Variants in PARD3B observed in about 807,000 individuals in gnomAD.
The protein encoded by PARD3B is partitioning defective 3 homolog B.
A neutral mutation model predicts 130.2 loss-of-function variants in PARD3B; 103 were observed. The observed-to-expected ratio is 0.79, with a 90% confidence interval of 0.67 to 0.93. The LOEUF is 0.93. Ranked by LOEUF, PARD3B falls within the 40% of genes least tolerant of loss-of-function variation. PARD3B has a pLI of 0.00. For missense variants in PARD3B, 1,609 were observed against 1,499.2 expected (o/e 1.07, Z -1.21); for synonymous variants, 583 against 553.2 (o/e 1.05, Z -0.76).
chr2:205,223,267 C>T (rs1346441881), intron 15 of PARD3B, among the ~76,000 whole-genome samples: 1 of 152,026 alleles, frequency 6.6e-6, no homozygotes, highest in Non-Finnish European at 1.5e-5. Flanking sequence ...GAATATTATT[C>T]ATAGGCAGTG....
chr2:204,963,136 A>G (rs1208017439), intron 2 of PARD3B, among the ~76,000 whole-genome samples: 3 of 152,216 alleles, frequency 2.0e-5, no homozygotes, highest in Admixed American at 6.5e-5. Flanking sequence ...TAAAAAGACT[A>G]GATTCCACTA....
chr2:205,602,954 G>A (rs2054848527), intron 22 of PARD3B, among the ~76,000 whole-genome samples: 1 of 152,020 alleles, frequency 6.6e-6, no homozygotes, highest in Non-Finnish European at 1.5e-5. Flanking sequence ...TGTGATGTTA[G>A]GGTGTCAATT....
At position 204,755,497 on chromosome 2, in the gene PARD3B, T is replaced by A. The variant is rs552464607; in HGVS notation, c.222+69215T>A. On this transcript the variant is annotated intron_variant, in intron 2 of 22. Coordinates refer to ENST00000406610, the MANE Select transcript of PARD3B (RefSeq NM_001302769.2). ...TAAATGGGTGTAGAGGGGAAGCAGA[T>A]TAATTATTGGCAAAACCTCTTTGTT... Among the ~76,000 whole-genome samples the A allele has an allele frequency of 7.9e-5, 12 of 152,144 alleles. No individual in the cohort carries two copies. In the South Asian group the frequency reaches 1.9e-3, roughly 24 times the overall value.
intron 19 of PARD3B, among the ~76,000 whole-genome samples, chr2:205,439,274 T>C (rs2047629871): frequency 1.3e-5 from 2 of 152,152 alleles, no homozygotes; most frequent in African/African-American, 4.8e-5. Context: ...TTATATTCTC[T>C]GGGCCCAGGA....
chr2:205,233,773 C>T (rs964116204), intron 15 of PARD3B, among the ~76,000 whole-genome samples: 24 of 152,156 alleles, frequency 1.6e-4, no homozygotes, highest in South Asian at 8.3e-4. Flanking sequence ...AATCATCTAA[C>T]ACAAAGCCTA....
chr2:205,454,086 G>C (rs2106204532), intron 20 of PARD3B, among the ~76,000 whole-genome samples: 1 of 152,232 alleles, frequency 6.6e-6, no homozygotes, highest in South Asian at 2.1e-4. Context: ...AGGCTGCGGG[G>C]TACAAAAGTA....
At chr2:205,567,481 A>ATTTTTTTTTTTTTTT (rs61638177) in intron 22 of PARD3B, among the ~76,000 whole-genome samples, 3 of 113,514 alleles carry the variant, frequency 2.6e-5, no homozygotes, top group African/African-American at 6.8e-5. Context: ...TGCCCGGTTA[A>ATTTTTTTTTTTTTTT]TTTTTTTTTT....
chr2:205,504,876 C>T lies in PARD3B; in HGVS notation c.3180+4845C>T, dbSNP rs530927970. On this transcript the variant is annotated intron_variant, in intron 21 of 22. Transcript: ENST00000406610. ...AACTAGAAATACCATTTGACCCAGCCATCCCATTACTGGGTATATACCCAA... is the reference window on the plus strand; with the variant it reads ...AACTAGAAATACCATTTGACCCAGCTATCCCATTACTGGGTATATACCCAA... Among the ~76,000 whole-genome samples the T allele has an allele frequency of 2.4e-4, 36 of 152,294 alleles. 1 individual carries two copies. The South Asian group carries it at 7.4e-3, about 32-fold the overall frequency.
Position 205,150,318 on chromosome 2 carries a change from C to T in PARD3B, c.1435-8404C>T, listed in dbSNP as rs190674762. 1.8e-3 allele frequency among the ~76,000 whole-genome samples: 266 copies of T among 149,568 alleles called. 2 individuals carry two copies. The highest frequency in any genetic ancestry group is 3.5e-3 in the Middle Eastern group (1 of 286). On this transcript the variant is annotated intron_variant, in intron 10 of 22. Coordinates refer to ENST00000406610, the MANE Select transcript of PARD3B (RefSeq NM_001302769.2). Reference sequence around the variant, plus strand: ...CTGAAAGATGGAAACCAGGAGAATCCGAGGTCTAGATGTGCCACTGCTTGG... The same window carrying T: ...CTGAAAGATGGAAACCAGGAGAATCTGAGGTCTAGATGTGCCACTGCTTGG...
At chr2:204,570,489 T>A (rs2031929672) in intron 1 of PARD3B, among the ~76,000 whole-genome samples, 1 of 152,180 alleles carries the variant, frequency 6.6e-6, no homozygotes, top group African/African-American at 2.4e-5. Context: ...GGGGCTCAAT[T>A]TCTGAGGACA....
chr2:205,349,662 A>G (rs2043921180), intron 18 of PARD3B, among the ~76,000 whole-genome samples: 1 of 152,172 alleles, frequency 6.6e-6, no homozygotes, highest in Admixed American at 6.5e-5. Flanking sequence ...ATATAATTAA[A>G]CTTCAGAATG....
chr2:205,421,200 C>T lies in PARD3B; in HGVS notation c.2742-19170C>T, dbSNP rs531798443. 2.2e-4 allele frequency among the ~76,000 whole-genome samples: 33 copies of T among 152,144 alleles called. No individual in the cohort carries two copies. Among genetic ancestry groups the T allele is most frequent in the African/African-American group, 6.3e-4 (26 of 41,532 alleles). On this transcript the variant is annotated intron_variant, in intron 19 of 22. Transcript: ENST00000406610. This position sits in a 1 kb window ranked among gnomAD's most constrained non-coding sequence, Gnocchi z 5.1. The stretch of plus-strand genomic sequence containing the variant: ...TGCTGTATATTGGGAGATGATAAGA[C>T]GATATCTTTGTTTAGGAAAGAAAGG...
intron 2 of PARD3B, among the ~76,000 whole-genome samples, chr2:204,866,976 G>A (rs2045445772): frequency 6.6e-6 from 1 of 152,012 alleles, no homozygotes; most frequent in Non-Finnish European, 1.5e-5. Context: ...GGCTGAAGCA[G>A]GAGAATCTCC....
intron 18 of PARD3B, among the ~76,000 whole-genome samples, chr2:205,326,383 G>A (rs2042940815): frequency 6.6e-6 from 1 of 152,094 alleles, no homozygotes; most frequent in Non-Finnish European, 1.5e-5. Context: ...TGAATTTTTT[G>A]GTGAACTTTT....
At chr2:205,436,604 G>A (rs2106147208) in intron 19 of PARD3B, among the ~76,000 whole-genome samples, 1 of 151,542 alleles carries the variant, frequency 6.6e-6, no homozygotes, top group East Asian at 2.0e-4. Context: ...AAAAAAATCT[G>A]TGCTAAAATA....
intron 20 of PARD3B, among the ~76,000 whole-genome samples, chr2:205,445,753 T>C (rs1349562966): frequency 6.6e-6 from 1 of 152,194 alleles, no homozygotes; most frequent in Admixed American, 6.5e-5. Flanking sequence ...TCCCAACATA[T>C]AATGGCAGAT....
At chr2:204,760,318 T>C (rs1291857154) in intron 2 of PARD3B, among the ~76,000 whole-genome samples, 1 of 152,062 alleles carries the variant, frequency 6.6e-6, no homozygotes, top group Non-Finnish European at 1.5e-5. Context: ...AAAAGCATTT[T>C]TGCTTGTATT....
chr2:204,989,183 C>T (rs1388220557), intron 3 of PARD3B, among the ~76,000 whole-genome samples: 1 of 151,918 alleles, frequency 6.6e-6, no homozygotes, highest in African/African-American at 2.4e-5. Flanking sequence ...AGTTCAAGGA[C>T]GATTTTTCAA....
rs879578870 is a variant in PARD3B at position 205,530,688 on chromosome 2, TG to T, written c.3181-22634del. Among the ~76,000 whole-genome samples the T allele has an allele frequency of 6.6e-6, 1 of 151,482 alleles. No individual in the cohort carries two copies. The highest frequency in any genetic ancestry group is 1.5e-5 in the Non-Finnish European group (1 of 68,004). On this transcript the variant is annotated intron_variant, in intron 21 of 22. Transcript: ENST00000406610. The surrounding 1 kb of genome is among the most constrained non-coding windows in gnomAD (Gnocchi z 4.7). ...GTGGTTAGCAGGGTAAGAGCTAACT[TG>T]GATTCCTTTCTTTCATAATCCCCTA...
Sources: gnomAD v4.1 joint callset for allele counts (sites outside exome capture counted in the v4.1 genomes callset) on GRCh38, gnomAD v4.1.1 for gene constraint, Gnocchi (gnomAD v3.1) non-coding constraint, MANE v1.5 for transcripts, NCBI Gene and HGNC (gene_info 2026-07-23, HGNC 2026-07-21) for gene names.